LRRD1: variants seen among roughly 807,000 people sequenced by gnomAD.
LRRD1 encodes the protein leucine rich repeats and death domain containing 1.
A neutral mutation model predicts 69.5 loss-of-function variants in LRRD1; 49 were observed. The ratio of observed to expected loss-of-function variants is 0.70; its 90% CI spans 0.56 to 0.89. The LOEUF is 0.89. LRRD1 is among the 40% of genes least tolerant of loss of function. The probability of loss-of-function intolerance (pLI) is 0.00; values close to 1 mark genes in which losing one functional copy is unlikely to be tolerated. For missense variants in LRRD1, 853 were observed against 956.0 expected, an observed-to-expected ratio of 0.89 and a Z score of 1.42; for synonymous variants, 303 against 338.9, an observed-to-expected ratio of 0.89 and a Z score of 1.16.
chr7:92,167,861 A>C (rs1216497461), intron 1 of LRRD1, among the ~76,000 whole-genome samples: 1 of 122,978 alleles, frequency 8.1e-6, no homozygotes, highest in Non-Finnish European at 1.6e-5. Context: ...TGGGCAACAC[A>C]GCGAGACTCT....
chr7:92,143,607 C>T (rs368263475), downstream of LRRD1, among the ~76,000 whole-genome samples: 41 of 152,234 alleles, frequency 2.7e-4, no homozygotes, highest in African/African-American at 9.1e-4. Context: ...CTGGGCTGGC[C>T]GGCCGCTCCG....
chr7:92,144,091 A>G (rs896632694), downstream of LRRD1, among the ~76,000 whole-genome samples: 2 of 152,092 alleles, frequency 1.3e-5, no homozygotes, highest in Non-Finnish European at 2.9e-5. Context: ...ACAGATGGCC[A>G]CTCTATCAAT....
chr7:92,157,737 G>C (rs1788697708), intron 3 of LRRD1, among the ~76,000 whole-genome samples: 1 of 150,606 alleles, frequency 6.6e-6, no homozygotes, highest in African/African-American at 2.5e-5. Context: ...CACCACACCT[G>C]ACTAATTTTT....
Position 92,144,961 on chromosome 7 carries a change from G to C in LRRD1, c.2510C>G (p.Thr837Ser), listed in dbSNP as rs949486577. Residue 837 changes from threonine to serine, a missense_variant, in exon 6 of 6, where the codon ACT (threonine) becomes AGT (serine). Thr to Ser is a moderately conservative substitution (Grantham distance 58, BLOSUM62 1). Around this residue, in one of 3 missense-constraint regions of LRRD1, gnomAD observed 739 missense variants for 808.0 expected, o/e 0.91. Coordinates refer to ENST00000458448, the MANE Select transcript of LRRD1 (RefSeq NM_001161528.2). ...CATAATTTCATATGCTCCTATCATAGTTAGTGCTCGAATTAGTTGATCTCT... is the reference window on the plus strand; with the variant it reads ...CATAATTTCATATGCTCCTATCATACTTAGTGCTCGAATTAGTTGATCTCT... ...ALRDQLIRALTMIGAYEIMDK... is the reference protein window; with the variant it reads ...ALRDQLIRALSMIGAYEIMDK... 20 of 1,545,242 alleles carry C rather than the reference G, an allele frequency of 1.3e-5. No individual in the cohort carries two copies. The African/African-American group carries it at 2.3e-4, about 18-fold the overall frequency.
chr7:92,167,838 T>C (rs1788944799), intron 1 of LRRD1, among the ~76,000 whole-genome samples: 4 of 117,050 alleles, frequency 3.4e-5, no homozygotes, highest in South Asian at 5.9e-4. Context: ...GATGGCGCCA[T>C]TGCACTCCAG....
At chr7:92,152,550 T>C (rs1820498487) in intron 3 of LRRD1, among the ~76,000 whole-genome samples, 2 of 152,226 alleles carry the variant, frequency 1.3e-5, no homozygotes, top group African/African-American at 2.4e-5. Context: ...TACAACTATA[T>C]AAGAAACTAC....
chr7:92,170,137 G>T (rs1789018917), intron 1 of LRRD1, among the ~76,000 whole-genome samples: 1 of 150,348 alleles, frequency 6.7e-6, no homozygotes, highest in Non-Finnish European at 1.5e-5. Flanking sequence ...AGGGAGGAAG[G>T]AAGGACGGAA....
intron 1 of LRRD1, among the ~76,000 whole-genome samples, chr7:92,177,157 A>G (rs1322625521): frequency 6.6e-6 from 1 of 151,326 alleles, no homozygotes; most frequent in African/African-American, 2.4e-5. Flanking sequence ...AAATCTGGTC[A>G]CATTATATTA....
intron 1 of LRRD1, among the ~76,000 whole-genome samples, chr7:92,170,885 T>C (rs1789043238): frequency 1.3e-5 from 2 of 152,076 alleles, no homozygotes; most frequent in African/African-American, 4.8e-5. Flanking sequence ...AGGAAATCAA[T>C]ATCAAGAGGA....
chr7:92,149,687 A>G (rs1780201512), intron 4 of LRRD1, among the ~76,000 whole-genome samples: 1 of 152,098 alleles, frequency 6.6e-6, no homozygotes, highest in East Asian at 1.9e-4. Flanking sequence ...TTTTCCCTCA[A>G]GGCCGAATGT....
At chr7:92,173,869 T>G (rs1268228805) in intron 1 of LRRD1, among the ~76,000 whole-genome samples, 2 of 152,188 alleles carry the variant, frequency 1.3e-5, no homozygotes, top group Non-Finnish European at 2.9e-5. Flanking sequence ...CAAAGAGATA[T>G]CTACACTCCA....
chr7:92,169,365 C>T (rs1365223700), intron 1 of LRRD1, among the ~76,000 whole-genome samples: 3 of 151,444 alleles, frequency 2.0e-5, no homozygotes, highest in Admixed American at 2.0e-4. Context: ...AATGTTGGAA[C>T]TGAGAGGCTG....
At chr7:92,169,512 G>T (rs186497672) in intron 1 of LRRD1, among the ~76,000 whole-genome samples, 1 of 151,804 alleles carries the variant, frequency 6.6e-6, no homozygotes, top group Non-Finnish European at 1.5e-5. Context: ...TTAGCCGGGC[G>T]TGGTGGTGGG....
intron 5 of LRRD1, among the ~76,000 whole-genome samples, chr7:92,145,380 A>G (rs980289411): frequency 2.6e-5 from 4 of 151,952 alleles, no homozygotes; most frequent in African/African-American, 9.7e-5. Flanking sequence ...CAAGACCTCA[A>G]AATCATAATT....
chr7:92,165,118 C>T lies in LRRD1; in HGVS notation c.85G>A (p.Glu29Lys), dbSNP rs186877597. 1,584 of 1,551,268 alleles carry T rather than the reference C, an allele frequency of 1.0e-3. 4 individuals carry two copies. The highest frequency in any genetic ancestry group is 5.5e-3 in the South Asian group (461 of 84,024). Residue 29 changes from glutamate to lysine, a missense_variant, in exon 2 of 6, where the codon GAG (glutamate) becomes AAG (lysine). Physicochemically the swap from Glu to Lys is moderately conservative, Grantham distance 56 (BLOSUM62 1). This residue lies in a region of LRRD1 where 99 missense variants were observed against 107.0 expected (regional missense o/e 0.92). Coordinates refer to ENST00000458448, the MANE Select transcript of LRRD1 (RefSeq NM_001161528.2). ...GATGTTTCTTTAATAAAGCCAGGCT[C>T]CTTCATTGACTGTGATCTAGATTCT... is the stretch of plus-strand genomic sequence containing the variant. The part of the protein sequence containing the change: ...RKESRSQSMK[E>K]PGFIKETSNL...
chr7:92,142,404 C>G, downstream of LRRD1: 1 of 453,090 alleles, frequency 2.2e-6, no homozygotes. Flanking sequence ...GCATCCAGCT[C>G]TCGGCAGACT....
rs1311389290 is a variant in LRRD1, at chr7:92,169,828, G to T, written c.-74-4552C>A. 3.3e-5 allele frequency among the ~76,000 whole-genome samples: 5 copies of T among 152,086 alleles called. No homozygotes were observed. In the South Asian group the frequency reaches 8.3e-4, roughly 25 times the overall value. On this transcript the variant is annotated intron_variant, in intron 1 of 5. Coordinates refer to ENST00000458448, the MANE Select transcript of LRRD1 (RefSeq NM_001161528.2). ...TCACACTTGTAATCCCAGCACTTTTGGGAGGTGGAGGCAGGAGGATTGCTT... is the reference window on the plus strand; with the variant it reads ...TCACACTTGTAATCCCAGCACTTTTTGGAGGTGGAGGCAGGAGGATTGCTT...
At chr7:92,156,102 ACACT>A (rs1397009816) in intron 3 of LRRD1, among the ~76,000 whole-genome samples, 1 of 152,220 alleles carries the variant, frequency 6.6e-6, no homozygotes, top group Non-Finnish European at 1.5e-5. Flanking sequence ...AATCAAGTTG[ACACT>A]CAATATTAAC....
intron 5 of LRRD1, among the ~76,000 whole-genome samples, chr7:92,145,612 T>G (rs1388096708): frequency 6.6e-6 from 1 of 152,000 alleles, no homozygotes; most frequent in Non-Finnish European, 1.5e-5. Flanking sequence ...GCTAATTTTT[T>G]GTATTTTTAG....
Sources: gnomAD v4.1 joint callset for allele counts (sites outside exome capture counted in the v4.1 genomes callset) on GRCh38, gnomAD v4.1.1 for gene constraint, gnomAD v4.1.1 regional missense constraint, MANE v1.5 for transcripts, NCBI Gene and HGNC (gene_info 2026-07-23, HGNC 2026-07-21) for gene names.